The following KCNQ5 variants were observed in gnomAD, a reference collection of about 807,000 sequenced individuals.
KCNQ5 encodes the protein potassium voltage-gated channel subfamily Q member 5.
Under a neutral mutation model 98.2 loss-of-function variants are expected in KCNQ5, and 30 were observed. The observed-to-expected ratio is 0.31, with a 90% CI of 0.23 to 0.41. The LOEUF (loss-of-function observed/expected upper bound fraction) is 0.41. Among genes scored for constraint, KCNQ5 ranks in the 10% least tolerant of loss-of-function variants. KCNQ5 has a pLI of 1.00. For missense variants in KCNQ5, 835 were observed against 1,182.5 expected (o/e 0.71, Z 4.31); for synonymous variants, 458 against 449.4 (o/e 1.02, Z -0.24).
chr6:73,089,986 C>T (rs936558643), intron 5 of KCNQ5, among the ~76,000 whole-genome samples: 3 of 152,204 alleles, frequency 2.0e-5, no homozygotes, highest in Non-Finnish European at 4.4e-5. Context: ...GGAATCTCCA[C>T]ACTATTTTCT....
At chr6:72,691,715 G>C (rs1582122298) in intron 1 of KCNQ5, among the ~76,000 whole-genome samples, 2 of 152,102 alleles carry the variant, frequency 1.3e-5, no homozygotes, top group African/African-American at 4.8e-5. Flanking sequence ...TTATCTCCTG[G>C]GCACTCTGCA....
At chr6:72,839,536 A>C (rs890138637) in intron 1 of KCNQ5, among the ~76,000 whole-genome samples, 1 of 152,128 alleles carries the variant, frequency 6.6e-6, no homozygotes, top group African/African-American at 2.4e-5. Flanking sequence ...ATTACTCTAA[A>C]GGTTGTTGAT....
chr6:72,885,756 G>C (rs1778821850), intron 1 of KCNQ5, among the ~76,000 whole-genome samples: 1 of 152,182 alleles, frequency 6.6e-6, no homozygotes, highest in Non-Finnish European at 1.5e-5. Context: ...ACAAGGGAAA[G>C]GAAGCAGAGC....
At chr6:73,068,340 C>G (rs974063765) in intron 3 of KCNQ5, among the ~76,000 whole-genome samples, 2 of 152,070 alleles carry the variant, frequency 1.3e-5, no homozygotes, top group Non-Finnish European at 2.9e-5. Flanking sequence ...GAGAGCAAAA[C>G]TGAAATCCTG....
At chr6:72,953,933 T>A (rs1026595990) in intron 1 of KCNQ5, among the ~76,000 whole-genome samples, 1 of 152,176 alleles carries the variant, frequency 6.6e-6, no homozygotes, top group African/African-American at 2.4e-5. Flanking sequence ...CTCATCTTTC[T>A]GCACCCCAGA....
chr6:73,155,956 T>C (rs1321318995), intron 10 of KCNQ5, among the ~76,000 whole-genome samples: 1 of 152,200 alleles, frequency 6.6e-6, no homozygotes, highest in Non-Finnish European at 1.5e-5. Context: ...CTTAGCAGCA[T>C]CTAACATGGA....
In KCNQ5 at chr6:73,100,594, G is replaced by A. The variant is rs1306822503; in HGVS notation, c.919-4663G>A. ...TGAGGCAGGAGAATGGCGTGAACCCGGGAGGCGGAGCTTGCAGTGAGCCCA... is the reference window on the plus strand; with the variant it reads ...TGAGGCAGGAGAATGGCGTGAACCCAGGAGGCGGAGCTTGCAGTGAGCCCA... On this transcript the variant is annotated intron_variant, in intron 5 of 13. Transcript: ENST00000370398. 7.2e-5 allele frequency among the ~76,000 whole-genome samples: 11 copies of A among 151,934 alleles called. 1 individual carries two copies. Among genetic ancestry groups the A allele is most frequent in the African/African-American group, 1.4e-4 (6 of 41,474 alleles).
intron 1 of KCNQ5, among the ~76,000 whole-genome samples, chr6:72,644,739 T>A (rs1765499477): frequency 6.6e-6 from 1 of 152,126 alleles, no homozygotes; most frequent in Non-Finnish European, 1.5e-5. Context: ...TACATGACTT[T>A]TTTACTGTGT....
At chr6:72,884,875 C>G (rs1778792100) in intron 1 of KCNQ5, among the ~76,000 whole-genome samples, 1 of 152,076 alleles carries the variant, frequency 6.6e-6, no homozygotes, top group Non-Finnish European at 1.5e-5. Flanking sequence ...ACCTTGGCCT[C>G]CCAAATTGCT....
chr6:72,797,730 T>C (rs774111817), intron 1 of KCNQ5, among the ~76,000 whole-genome samples: 10 of 152,174 alleles, frequency 6.6e-5, no homozygotes, highest in Non-Finnish European at 1.2e-4. Context: ...GCATGAGTTA[T>C]AACATAGACT....
chr6:73,141,080 A>T (rs925190514), intron 10 of KCNQ5, among the ~76,000 whole-genome samples: 1 of 152,224 alleles, frequency 6.6e-6, no homozygotes, highest in Non-Finnish European at 1.5e-5. Flanking sequence ...AACATACCAT[A>T]AACTAGGCAG....
intron 5 of KCNQ5, among the ~76,000 whole-genome samples, chr6:73,102,564 T>C (rs1774829494): frequency 6.6e-6 from 1 of 152,094 alleles, no homozygotes; most frequent in Non-Finnish European, 1.5e-5. Flanking sequence ...ATAATCCAAT[T>C]TTAAAACGGG....
At chr6:72,759,019 C>T (rs1048219793) in intron 1 of KCNQ5, among the ~76,000 whole-genome samples, 2 of 152,110 alleles carry the variant, frequency 1.3e-5, no homozygotes, top group Non-Finnish European at 2.9e-5. Flanking sequence ...TAAAGGGAAA[C>T]AAGATCTTTG....
chr6:72,828,953 C>G (rs2150121563), intron 1 of KCNQ5, among the ~76,000 whole-genome samples: 1 of 152,140 alleles, frequency 6.6e-6, no homozygotes, highest in East Asian at 1.9e-4. Flanking sequence ...CATTTATGTA[C>G]ATATCTACAT....
intron 10 of KCNQ5, chr6:73,157,546 G>T (rs1777415671): frequency 1.3e-6 from 1 of 745,398 alleles, no homozygotes; most frequent in African/African-American, 1.7e-5. Flanking sequence ...TTCCATCCTT[G>T]CTGGGTGGTG....
At chr6:73,102,302 A>C (rs1774816379) in intron 5 of KCNQ5, among the ~76,000 whole-genome samples, 1 of 152,170 alleles carries the variant, frequency 6.6e-6, no homozygotes, top group Non-Finnish European at 1.5e-5. Context: ...AAACTACTAC[A>C]AGAAAACATG....
At chr6:73,170,692 C>T (rs1469740293) in intron 11 of KCNQ5, among the ~76,000 whole-genome samples, 2 of 151,928 alleles carry the variant, frequency 1.3e-5, no homozygotes. Flanking sequence ...CCAGCACTTT[C>T]GGAGGCTGAG....
intron 10 of KCNQ5, chr6:73,134,452 C>T (rs1776379962): frequency 6.6e-6 from 1 of 152,552 alleles, no homozygotes; most frequent in African/African-American, 2.4e-5. Flanking sequence ...CTTCTGTTCC[C>T]TTTTCCTAAA....
intron 3 of KCNQ5, among the ~76,000 whole-genome samples, chr6:73,073,992 C>G (rs1481623867): frequency 6.6e-6 from 1 of 152,076 alleles, no homozygotes; most frequent in African/African-American, 2.4e-5. Flanking sequence ...CTTTGATTAA[C>G]CTGAGTATTT....
Sources: gnomAD v4.1 joint callset for allele counts (sites outside exome capture counted in the v4.1 genomes callset) on GRCh38, gnomAD v4.1.1 for gene constraint, MANE v1.5 for transcripts, NCBI Gene and HGNC (gene_info 2026-07-23, HGNC 2026-07-21) for gene names.